Variants in NLRP13 observed in about 807,000 individuals in gnomAD.
NLRP13 encodes the protein NACHT, LRR and PYD domains-containing protein 13.
A neutral mutation model predicts 94.4 loss-of-function variants in NLRP13; 82 were observed. The observed-to-expected ratio is 0.87, with a 90% CI of 0.73 to 1.04. The LOEUF is 1.04. Among genes scored for constraint, NLRP13 ranks in the 50% least tolerant of loss-of-function variants. The probability of loss-of-function intolerance (pLI) is 0.00; values close to 1 mark genes in which losing one functional copy is unlikely to be tolerated. For missense variants in NLRP13, 1,426 were observed against 1,230.8 expected (o/e 1.16, Z -2.37); for synonymous variants, 553 against 464.7 (o/e 1.19, Z -2.45).
At chr19:55,909,050 C>T (rs533226267) in intron 6 of NLRP13, among the ~76,000 whole-genome samples, 8 of 152,322 alleles carry the variant, frequency 5.3e-5, no homozygotes, top group African/African-American at 1.7e-4. Context: ...TCAATGCACA[C>T]ATCTAGGCTT....
chr19:55,900,034 T>G (rs1986123176), intron 9 of NLRP13, among the ~76,000 whole-genome samples: 1 of 151,450 alleles, frequency 6.6e-6, no homozygotes, highest in South Asian at 2.1e-4. Context: ...ATTGCTAACA[T>G]AATAAATTTC....
rs2083558963 is a variant in NLRP13 at position 55,898,658 on chromosome 19, T to C, written c.2957+112A>G. ...CCACACCTGGGTGAGATTTCTTAGA[T>C]GGCTTGTCCTTACTTTGCCTCACTT... is the stretch of plus-strand genomic sequence containing the variant. On this transcript the variant is annotated intron_variant, in intron 10 of 10. Transcript: ENST00000342929. 7.7e-6 allele frequency: 9 copies of C among 1,163,132 alleles called. No homozygotes were observed. In the South Asian group the frequency reaches 1.5e-4, roughly 20 times the overall value. The allele number at this position is 1,163,132 out of a possible 1,614,324, so 72.1% of individuals were successfully genotyped here. A position where few individuals can be genotyped will look rare whatever the true frequency, so the allele number is the denominator to read the frequency against.
rs199476249 is a variant in NLRP13 at position 55,931,948 on chromosome 19, G to A, written c.319+45C>T. 6.3e-5 allele frequency: 100 copies of A among 1,579,670 alleles called. No homozygotes were observed. The African/African-American group carries it at 6.8e-4, about 11-fold the overall frequency. ...ACCCAGCGGCTACCTCCTTGCCTCA[G>A]GAGTACCAAGCAGCCCTCCCGCCTT... On this transcript the variant is annotated intron_variant, in intron 1 of 10. Transcript: ENST00000342929.
Position 55,912,967 on chromosome 19 carries a change from A to G in NLRP13, c.850T>C (p.Leu284=). The change falls in exon 5 of 11, where the codon TTG becomes CTG. Residue 284 remains leucine, a synonymous_variant. Coordinates refer to ENST00000342929, the MANE Select transcript of NLRP13 (RefSeq NM_176810.2). ...AAATCGGGCCAATCCAAAGAAATCAATTCAGCAAAGGTAGTTTCCTTCATG... is the reference window on the plus strand; with the variant it reads ...AAATCGGGCCAATCCAAAGAAATCAGTTCAGCAAAGGTAGTTTCCTTCATG... ...RYMKETTFAE[L]ISLDWPDFDA... is the part of the protein sequence containing the mutation. The G allele has an allele frequency of 6.2e-7, 1 of 1,614,136 alleles. No homozygotes were observed. Among genetic ancestry groups the G allele is most frequent in the Non-Finnish European group, 8.5e-7 (1 of 1,179,970 alleles).
intron 8 of NLRP13, among the ~76,000 whole-genome samples, chr19:55,903,609 C>T (rs930132483): frequency 6.6e-6 from 1 of 152,098 alleles, no homozygotes; most frequent in Non-Finnish European, 1.5e-5. Flanking sequence ...TCCTATACCC[C>T]CAACCCAAAC....
At chr19:55,901,448 T>C (rs746095097) in intron 9 of NLRP13, among the ~76,000 whole-genome samples, 6 of 151,922 alleles carry the variant, frequency 3.9e-5, no homozygotes, top group Middle Eastern at 3.2e-3. Context: ...GGAAAAGTCG[T>C]CTGCGATGAG....
chr19:55,911,641 A>C, intron 5 of NLRP13, 65 bp downstream of exon 5: 5 of 1,442,952 alleles, frequency 3.5e-6, no homozygotes, highest in Non-Finnish European at 3.7e-6. Context: ...TTTTGCATGA[A>C]AGAATTTGCA....
In NLRP13 at chr19:55,902,189, G is replaced by A. The variant is rs1467225131; in HGVS notation, c.2635C>T (p.Leu879=). The A allele has an allele frequency of 6.2e-7, 1 of 1,613,862 alleles. No homozygotes were observed. The change falls in exon 9 of 11, where the codon CTG becomes TTG. Residue 879 remains leucine, a synonymous_variant. Coordinates refer to ENST00000342929, the MANE Select transcript of NLRP13 (RefSeq NM_176810.2). ...AAGTGCTTGCAAGCGGGTGCTGCCAGCTGGCAAAACCAGAGCCTGCAGGGT... is the reference window on the plus strand; with the variant it reads ...AAGTGCTTGCAAGCGGGTGCTGCCAACTGGCAAAACCAGAGCCTGCAGGGT... ...LERLELWFCQ[L]AAPACKHLSD...
chr19:55,906,337 C>CAAAAAAA (rs71182931), intron 7 of NLRP13, among the ~76,000 whole-genome samples: 3,785 of 60,576 alleles, frequency 0.062, 674 homozygotes, highest in East Asian at 0.32. Context: ...GACTCCATCT[C>CAAAAAAA]AAAAAAAAAA....
Position 55,898,789 on chromosome 19 carries a change from G to T in NLRP13, c.2938C>A (p.Arg980Ser), listed in dbSNP as rs565649099. The T allele has an allele frequency of 8.1e-6, 13 of 1,610,378 alleles. No homozygotes were observed. In the African/African-American group the frequency reaches 1.6e-4, roughly 20 times the overall value. Residue 980 changes from arginine (R) to serine (S), a missense_variant, in exon 10 of 11, where the codon CGT (arginine) becomes AGT (serine). Arg to Ser is a moderately radical substitution (Grantham distance 110). Transcript: ENST00000342929. ...KLLCEALKPH[R>S]ALHTLGLAKC... ...ACTCACCCAAGTGTGTGCAATGCAC[G>T]ATGTGGTTTCAGAGCCTCACACAGT... is the stretch of plus-strand genomic sequence containing the variant.
At position 55,924,993 on chromosome 19, in the gene NLRP13, T is replaced by A; in HGVS notation, c.362A>T (p.Asp121Val). The A allele has an allele frequency of 1.2e-6, 2 of 1,614,160 alleles. No individual in the cohort carries two copies. The highest frequency in any genetic ancestry group is 8.5e-7 in the Non-Finnish European group (1 of 1,180,000). The change falls in exon 2 of 11, where the codon GAT (aspartate) becomes GTT (valine). Residue 121 changes from aspartate (D) to valine (V), a missense_variant. Transcript: ENST00000342929. ...TGCTGCTGCTTCTAGCATCTCTAGA[T>A]CTTCCTGGGTTGGATCTTGCAGCTC... is the stretch of plus-strand genomic sequence containing the variant. ...TQELQDPTQE[D>V]LEMLEAAAGN...
rs1986291827 is a variant in NLRP13 at position 55,904,925 on chromosome 19, A to T, written c.2618+17T>A. 1 of 1,606,010 alleles carries T rather than the reference A, an allele frequency of 6.2e-7. No individual in the cohort carries two copies. The highest frequency in any genetic ancestry group is 1.1e-5 in the South Asian group (1 of 90,740). Reference sequence around the variant, plus strand: ...CCCATAGAGTCATATCTAGAAATGGAAGTAGGGAAAACTTACTCCAGTCTC... The same window carrying T: ...CCCATAGAGTCATATCTAGAAATGGTAGTAGGGAAAACTTACTCCAGTCTC... On this transcript the variant is annotated intron_variant, in intron 8 of 10. Coordinates refer to ENST00000342929, the MANE Select transcript of NLRP13 (RefSeq NM_176810.2).
At chr19:55,911,344 AC>A (rs1986503832) in intron 5 of NLRP13, among the ~76,000 whole-genome samples, 1 of 152,092 alleles carries the variant, frequency 6.6e-6, no homozygotes, top group African/African-American at 2.4e-5. Context: ...CAATCCTCCC[AC>A]CGCAGCCCCC....
chr19:55,906,818 G>A (rs1986367068), intron 7 of NLRP13, among the ~76,000 whole-genome samples: 1 of 152,074 alleles, frequency 6.6e-6, no homozygotes, highest in Admixed American at 6.5e-5. Flanking sequence ...TCAGAGGTTG[G>A]ATGGCCCGCA....
Position 55,911,837 on chromosome 19 carries a change from T to C in NLRP13, c.1980A>G (p.Glu660=). The change falls in exon 5 of 11, where the codon GAA becomes GAG. Residue 660 remains glutamate (E), a synonymous_variant. Coordinates refer to ENST00000342929, the MANE Select transcript of NLRP13 (RefSeq NM_176810.2). ...CGTCCTCCAAAATATTAAGGTCAAC[T>C]TCAAAGATACGACCCAACATCTTCT... ...FTKKMLGRIF[E]VDLNILEDEE... 1 of 1,614,194 alleles carries C rather than the reference T, an allele frequency of 6.2e-7. No individual in the cohort carries two copies. Among genetic ancestry groups the C allele is most frequent in the Admixed American group, 1.7e-5 (1 of 60,024 alleles).
At chr19:55,895,575 C>T (rs906495031), downstream of NLRP13, among the ~76,000 whole-genome samples, 6 of 151,024 alleles carry the variant, frequency 4.0e-5, no homozygotes, top group East Asian at 2.0e-4. Flanking sequence ...TCCAGCTACT[C>T]GGGAGGCTGA....
intron 4 of NLRP13, among the ~76,000 whole-genome samples, chr19:55,914,541 T>C (rs993088696): frequency 6.6e-6 from 1 of 152,218 alleles, no homozygotes; most frequent in African/African-American, 2.4e-5. Flanking sequence ...CATCAGTATA[T>C]GTAACTATTA....
intron 4 of NLRP13, among the ~76,000 whole-genome samples, chr19:55,919,804 C>T (rs1451569710): frequency 6.6e-6 from 1 of 152,060 alleles, no homozygotes; most frequent in African/African-American, 2.4e-5. Flanking sequence ...CTCCCAGTGA[C>T]ATATTTCACA....
At chr19:55,920,616 G>T (rs924967340) in intron 4 of NLRP13, among the ~76,000 whole-genome samples, 17 of 152,190 alleles carry the variant, frequency 1.1e-4, no homozygotes, top group South Asian at 2.1e-4. Flanking sequence ...CCAAATGTTG[G>T]CAAGGATTCA....
Sources: allele counts gnomAD v4.1 joint callset (sites outside exome capture counted in the v4.1 genomes callset), GRCh38; gene constraint gnomAD v4.1.1; transcripts MANE v1.5; gene names NCBI Gene and HGNC (gene_info 2026-07-23, HGNC 2026-07-21).